ZFHX3: variants seen among roughly 807,000 people sequenced by gnomAD.
The protein encoded by ZFHX3 is zinc finger homeobox 3, also known as zinc finger homeobox protein 3.
A neutral mutation model predicts 279.1 loss-of-function variants in ZFHX3; 42 were observed. The observed-to-expected ratio is 0.15, with a 90% CI of 0.12 to 0.19. The LOEUF is 0.19. ZFHX3 is among the 10% of genes least tolerant of loss of function. ZFHX3 has a pLI of 1.00. For synonymous variants in ZFHX3, 2,293 were observed against 1,957.8 expected (o/e 1.17, Z -4.52); for missense variants, 4,981 against 4,754.0 (o/e 1.05, Z -1.40).
intron 5 of ZFHX3, among the ~76,000 whole-genome samples, chr16:73,176,626 C>G (rs1399375859): frequency 4.5e-5 from 5 of 111,982 alleles, no homozygotes; most frequent in African/African-American, 1.9e-4. Context: ...TTTTTTTTTT[C>G]CTTAAACCTC....
chr16:73,346,084 C>T (rs181116446), intron 3 of ZFHX3, among the ~76,000 whole-genome samples: 1 of 152,276 alleles, frequency 6.6e-6, no homozygotes, highest in Admixed American at 6.5e-5. Flanking sequence ...CAAGGCTCAG[C>T]GACCCTGCAC....
chr16:72,988,810 T>C (rs939841363), intron 1 of ZFHX3, among the ~76,000 whole-genome samples: 2 of 152,274 alleles, frequency 1.3e-5, no homozygotes, highest in African/African-American at 4.8e-5. Context: ...ATCTTTATTC[T>C]TCACTGATAA....
intron 3 of ZFHX3, among the ~76,000 whole-genome samples, chr16:72,933,976 G>C (rs1391517186): frequency 6.6e-6 from 1 of 151,746 alleles, no homozygotes; most frequent in African/African-American, 2.4e-5. Flanking sequence ...CCTCCACCAC[G>C]CCCAGCTAAT....
At chr16:72,937,132 G>A (rs1173899113) in intron 3 of ZFHX3, among the ~76,000 whole-genome samples, 3 of 152,104 alleles carry the variant, frequency 2.0e-5, no homozygotes, top group Non-Finnish European at 4.4e-5. Context: ...CTAAGCCTGC[G>A]GAGTTCATTC....
intron 2 of ZFHX3, among the ~76,000 whole-genome samples, chr16:73,649,824 G>C (rs2052654078): frequency 6.6e-6 from 1 of 152,152 alleles, no homozygotes. Context: ...ATTCATAAGA[G>C]TCCAAAGGCC....
intron 5 of ZFHX3, among the ~76,000 whole-genome samples, chr16:73,227,832 G>GAGCA (rs2012647978): frequency 9.9e-6 from 1 of 100,534 alleles, no homozygotes; most frequent in African/African-American, 4.1e-5. Context: ...CTGAGCAACA[G>GAGCA]AGCAAGATTC....
At chr16:72,790,737 G>C (rs2035662989) in intron 9 of ZFHX3, 1 of 152,182 alleles carries the variant, frequency 6.6e-6, no homozygotes. Context: ...GCACAAACAA[G>C]ACAGAGTAGA....
At chr16:73,253,102 T>G (rs1003451476) in intron 5 of ZFHX3, among the ~76,000 whole-genome samples, 1 of 152,316 alleles carries the variant, frequency 6.6e-6, no homozygotes, top group South Asian at 2.1e-4. Flanking sequence ...GTGCTAGAAC[T>G]GCACCATTCC....
intron 1 of ZFHX3, among the ~76,000 whole-genome samples, chr16:73,705,309 C>A (rs1205905042): frequency 6.6e-6 from 1 of 152,180 alleles, no homozygotes; most frequent in African/African-American, 2.4e-5. Context: ...AGATTCGCCT[C>A]AGTCACTGGT....
chr16:72,907,472 A>G (rs2039204846), intron 3 of ZFHX3, among the ~76,000 whole-genome samples: 1 of 150,448 alleles, frequency 6.6e-6, no homozygotes, highest in Middle Eastern at 3.5e-3. Flanking sequence ...TTTATCACCC[A>G]CTACTCCCCT....
intron 2 of ZFHX3, among the ~76,000 whole-genome samples, chr16:73,649,329 T>C (rs2052649574): frequency 6.6e-6 from 1 of 152,176 alleles, no homozygotes; most frequent in African/African-American, 2.4e-5. Flanking sequence ...TCTCAATCTC[T>C]ATTGTTCTCT....
intron 2 of ZFHX3, among the ~76,000 whole-genome samples, chr16:73,580,010 T>G (rs948286748): frequency 1.3e-5 from 2 of 148,736 alleles, no homozygotes; most frequent in Admixed American, 1.3e-4. Flanking sequence ...AATATATAAA[T>G]GTATAAAAAT....
At chr16:72,802,396 C>T (rs966871285) in intron 7 of ZFHX3, among the ~76,000 whole-genome samples, 2 of 152,144 alleles carry the variant, frequency 1.3e-5, no homozygotes, top group African/African-American at 2.4e-5. Flanking sequence ...CTTCACCTTC[C>T]ATCAATTAAC....
intron 2 of ZFHX3, among the ~76,000 whole-genome samples, chr16:73,542,182 C>T (rs987192420): frequency 1.3e-5 from 2 of 151,876 alleles, no homozygotes; most frequent in East Asian, 1.9e-4. Flanking sequence ...ATGCAGAAAG[C>T]GTTTTTCTCC....
intron 3 of ZFHX3, among the ~76,000 whole-genome samples, chr16:73,403,640 T>C (rs936713301): frequency 2.0e-5 from 3 of 152,050 alleles, no homozygotes; most frequent in African/African-American, 7.2e-5. Flanking sequence ...AGTTGAACAA[T>C]AGGAAAACTA....
At chr16:73,026,689 A>AAAAAC (rs1423611064) in intron 1 of ZFHX3, among the ~76,000 whole-genome samples, 9 of 150,834 alleles carry the variant, frequency 6.0e-5, no homozygotes, top group African/African-American at 2.2e-4. Context: ...AAAAAAAAAA[A>AAAAAC]AAAAAACACA....
chr16:73,293,822 C>T (rs2014833989), intron 4 of ZFHX3: 1 of 152,234 alleles, frequency 6.6e-6, no homozygotes, highest in Non-Finnish European at 1.5e-5. Flanking sequence ...CTGGCAAAGT[C>T]AACGTGGATA....
intron 1 of ZFHX3, among the ~76,000 whole-genome samples, chr16:73,862,089 C>A (rs1054054771): frequency 6.6e-6 from 1 of 152,058 alleles, no homozygotes; most frequent in Non-Finnish European, 1.5e-5. Context: ...AGGGAGAGAC[C>A]AAGTGCTGAG....
chr16:73,521,588 G>A (rs902327918), intron 2 of ZFHX3, among the ~76,000 whole-genome samples: 8 of 151,944 alleles, frequency 5.3e-5, no homozygotes, highest in South Asian at 4.2e-4. Flanking sequence ...CCTTTTCGCC[G>A]GTGGCTCTCA....
Sources: allele counts gnomAD v4.1 joint callset (sites outside exome capture counted in the v4.1 genomes callset), GRCh38; gene constraint gnomAD v4.1.1; transcripts MANE v1.5; gene names NCBI Gene and HGNC (gene_info 2026-07-23, HGNC 2026-07-21).